Variants in TATDN3 observed in about 807,000 individuals in gnomAD.
The protein encoded by TATDN3 is TatD DNase domain containing 3, also known as deoxyribonuclease TATDN3.
In TATDN3, 29 loss-of-function variants were observed where a neutral mutation model predicts 40.1. That is an observed-to-expected ratio of 0.72 (90% CI 0.54 to 0.99). The LOEUF (loss-of-function observed/expected upper bound fraction) is 0.99. TATDN3 is among the 50% of genes least tolerant of loss of function. The pLI is 0.00. For synonymous variants in TATDN3, 105 were observed against 117.0 expected, an observed-to-expected ratio of 0.90 and a Z score of 0.66; for missense variants, 309 against 321.9, an observed-to-expected ratio of 0.96 and a Z score of 0.31.
intron 1 of TATDN3, among the ~76,000 whole-genome samples, chr1:212,792,622 G>T (rs1304413434): frequency 1.1e-5 from 1 of 92,826 alleles, no homozygotes; most frequent in Admixed American, 1.1e-4. Context: ...GTAACAGTGA[G>T]ACCCTGTCTC....
intron 7 of TATDN3, among the ~76,000 whole-genome samples, chr1:212,806,296 A>G (rs1423258463): frequency 6.6e-6 from 1 of 152,058 alleles, no homozygotes; most frequent in Non-Finnish European, 1.5e-5. Flanking sequence ...CAATTAGCTC[A>G]CAGACTTCTA....
Position 212,804,296 on chromosome 1 carries a change from A to G in TATDN3, c.322-24A>G, listed in dbSNP as rs755449095. 7.0e-6 allele frequency: 11 copies of G among 1,567,510 alleles called. No homozygotes were observed. In the South Asian group the frequency reaches 1.2e-4, roughly 18 times the overall value. ...GAGGTTCCTTAAACCTAAATATGTA[A>G]TATCTTTTATTTTTCTGCTCTAGGT... On this transcript the variant is annotated intron_variant, in intron 5 of 9. Transcript: ENST00000366974.
intron 7 of TATDN3, 65 bp downstream of exon 7, chr1:212,804,716 A>C: frequency 1.4e-6 from 2 of 1,418,808 alleles, no homozygotes; most frequent in Non-Finnish European, 2.0e-6. Context: ...TTATGTTCTC[A>C]TAAAGCAAGC....
At chr1:212,801,028 A>G (rs1662142935) in intron 4 of TATDN3, among the ~76,000 whole-genome samples, 3 of 151,880 alleles carry the variant, frequency 2.0e-5, no homozygotes, top group Admixed American at 2.0e-4. Flanking sequence ...AACATACACA[A>G]AAATTTAAAA....
intron 9 of TATDN3, 88 bp downstream of exon 9, chr1:212,812,416 A>G (rs1662941124): frequency 1.3e-6 from 1 of 760,446 alleles, no homozygotes; most frequent in Non-Finnish European, 2.2e-6. Flanking sequence ...ATTATAGTGT[A>G]AATACAGTGG....
At chr1:212,794,854 A>G (rs1661631839) in intron 1 of TATDN3, 1 of 632,456 alleles carries the variant, frequency 1.6e-6, no homozygotes, top group Non-Finnish European at 2.9e-6. Flanking sequence ...AGATGAGGAC[A>G]GAGAAATACC....
intron 7 of TATDN3, 87 bp from the exon 8 acceptor site, chr1:212,807,649 C>A: frequency 1.0e-6 from 1 of 998,886 alleles, no homozygotes; most frequent in Admixed American, 2.5e-5. Context: ...TAGTGACCAA[C>A]ATTTACTTAA....
intron 9 of TATDN3, among the ~76,000 whole-genome samples, chr1:212,813,878 T>C (rs1351583938): frequency 6.6e-6 from 1 of 152,070 alleles, no homozygotes; most frequent in East Asian, 1.9e-4. Flanking sequence ...GCCCGGCTGA[T>C]TTTTGTATTT....
At chr1:212,802,839 GTA>G (rs1367416898) in intron 5 of TATDN3, 76 bp downstream of exon 5, 1 of 1,031,478 alleles carries the variant, frequency 9.7e-7, no homozygotes, top group East Asian at 2.4e-5. Flanking sequence ...CTTTAGTTCA[GTA>G]TTGGTGATTA....
intron 4 of TATDN3, among the ~76,000 whole-genome samples, chr1:212,797,871 A>C (rs1289539057): frequency 6.6e-6 from 1 of 152,162 alleles, no homozygotes; most frequent in Non-Finnish European, 1.5e-5. Flanking sequence ...GACTCACGAT[A>C]GTTGGTATGT....
chr1:212,806,368 C>CTCT (rs1553257433), intron 7 of TATDN3, among the ~76,000 whole-genome samples: 4 of 132,492 alleles, frequency 3.0e-5, no homozygotes, highest in Non-Finnish European at 6.3e-5. Context: ...TTCTCTCTCT[C>CTCT]TTTTTTTTTT....
intron 2 of TATDN3, among the ~76,000 whole-genome samples, chr1:212,795,531 A>C (rs908151218): frequency 2.6e-5 from 4 of 152,184 alleles, no homozygotes; most frequent in South Asian, 2.1e-4. Flanking sequence ...TCGACCTCCC[A>C]AAGTGCTGAG....
In TATDN3 at chr1:212,811,127, C is replaced by T. The variant is rs373249786; in HGVS notation, c.601-1121C>T. Reference sequence around the variant, plus strand: ...CCTTCCGAGTACCTGGGATTACAGGCGTGTACCACAATGCCTGGCTAATTT... The same window carrying T: ...CCTTCCGAGTACCTGGGATTACAGGTGTGTACCACAATGCCTGGCTAATTT... On this transcript the variant is annotated intron_variant, in intron 8 of 9. Transcript: ENST00000366974. Among the ~76,000 whole-genome samples the T allele has an allele frequency of 2.0e-5, 3 of 151,998 alleles. No individual in the cohort carries two copies. In the South Asian group the frequency reaches 6.2e-4, roughly 32 times the overall value.
At chr1:212,806,795 C>CACATAT (rs1553257538) in intron 7 of TATDN3, among the ~76,000 whole-genome samples, 2 of 96,968 alleles carry the variant, frequency 2.1e-5, no homozygotes, top group Non-Finnish European at 2.2e-5. Flanking sequence ...CACACACACA[C>CACATAT]ACACATATAT....
intron 4 of TATDN3, among the ~76,000 whole-genome samples, chr1:212,799,576 C>T (rs1662043091): frequency 6.7e-6 from 1 of 149,410 alleles, no homozygotes; most frequent in Non-Finnish European, 1.5e-5. Flanking sequence ...CTTGCTCTGT[C>T]ACCCAGGCTG....
chr1:212,810,511 CA>C (rs55912631), intron 8 of TATDN3, among the ~76,000 whole-genome samples: 7,520 of 49,366 alleles, frequency 0.15, 145 homozygotes, highest in African/African-American at 0.21. Context: ...GACTCTGTCT[CA>C]AAAAAAAAAA....
At chr1:212,804,113 T>A (rs1662321313) in intron 5 of TATDN3, among the ~76,000 whole-genome samples, 1 of 152,150 alleles carries the variant, frequency 6.6e-6, no homozygotes, top group African/African-American at 2.4e-5. Flanking sequence ...TAATAATATT[T>A]GGGATATATT....
At chr1:212,806,143 C>A (rs1349665165) in intron 7 of TATDN3, among the ~76,000 whole-genome samples, 1 of 152,164 alleles carries the variant, frequency 6.6e-6, no homozygotes, top group African/African-American at 2.4e-5. Context: ...GCAGGCTGAG[C>A]AGCTACCCTT....
chr1:212,812,252 A>G lies in TATDN3; in HGVS notation c.605A>G (p.Gln202Arg), dbSNP rs1199738227. 1.3e-6 allele frequency: 2 copies of G among 1,572,666 alleles called. No homozygotes were observed. The highest frequency in any genetic ancestry group is 2.3e-5 in the East Asian group (1 of 43,088). ...PPSIIRSGQKQKLVKQLPLTS... is the reference protein window; with the variant it reads ...PPSIIRSGQKRKLVKQLPLTS... ...CTGCTTTCTCTTTTCTCTAAGAAGC[A>G]GAAACTTGTGAAACAATTGCCTTTA... The change falls in exon 9 of 10, where the codon CAG becomes CGG. Residue 202 changes from glutamine (Q) to arginine (R), a missense_variant. Transcript: ENST00000366974.
Sources: gnomAD v4.1 joint callset for allele counts (sites outside exome capture counted in the v4.1 genomes callset) on GRCh38, gnomAD v4.1.1 for gene constraint, MANE v1.5 for transcripts, NCBI Gene and HGNC (gene_info 2026-07-23, HGNC 2026-07-21) for gene names.